The following HK1 variants were observed in gnomAD, a reference collection of about 807,000 sequenced individuals.
HK1 encodes the protein hexokinase-1.
A neutral mutation model predicts 91.6 loss-of-function variants in HK1; 28 were observed. The observed-to-expected ratio is 0.31, with a 90% CI of 0.23 to 0.42. HK1 has a LOEUF of 0.42. Among genes scored for constraint, HK1 ranks in the 10% least tolerant of loss-of-function variants. The pLI, the probability that HK1 is intolerant of heterozygous loss-of-function variation, is 1.00. For synonymous variants in HK1, 430 were observed against 468.1 expected (o/e 0.92, Z 1.05); for missense variants, 770 against 1,219.8 (o/e 0.63, Z 5.49).
intron 2 of HK1, among the ~76,000 whole-genome samples, chr10:69,283,124 CAAAAAAAAAA>C (rs34547808): frequency 6.6e-5 from 4 of 60,820 alleles, no homozygotes; most frequent in African/African-American, 1.3e-4. Flanking sequence ...AACTCAGTTT[CAAAAAAAAAA>C]AAAAAAAAAA....
intron 2 of HK1, 110 bp from the exon 3 acceptor site, chr10:69,359,787 T>C (rs1849320475): frequency 2.0e-6 from 2 of 1,002,108 alleles, no homozygotes; most frequent in South Asian, 1.3e-5. Context: ...GATAACAGCA[T>C]GTGGCAGGGG....
intron 14 of HK1, 60 bp from the exon 15 acceptor site, chr10:69,392,065 C>T: frequency 6.3e-7 from 1 of 1,578,460 alleles, no homozygotes; most frequent in Non-Finnish European, 8.7e-7. Context: ...ACCCCAGGCC[C>T]AGTTGCAAGA....
rs920768220 is a variant in HK1 at position 69,334,874 on chromosome 10, G to C, written c.64-8953G>C. Among the ~76,000 whole-genome samples, 52 of 152,226 alleles carry C rather than the reference G, an allele frequency of 3.4e-4. 1 individual carries two copies. The highest frequency in any genetic ancestry group is 1.0e-4 in the Non-Finnish European group (7 of 68,050). ...TAAGGCCGAGGGGATGCTGAGGAGAGGAGTGGACGGTGTGGGGTGGGGCGG... is the reference window on the plus strand; with the variant it reads ...TAAGGCCGAGGGGATGCTGAGGAGACGAGTGGACGGTGTGGGGTGGGGCGG... On this transcript the variant is annotated intron_variant, in intron 1 of 17. Coordinates refer to ENST00000359426, the MANE Select transcript of HK1 (RefSeq NM_000188.3).
In HK1 at chr10:69,380,081, C is replaced by T. The variant is rs1327364616; in HGVS notation, c.1251C>T (p.Tyr417=). The T allele has an allele frequency of 1.9e-6, 3 of 1,613,572 alleles. No homozygotes were observed. In the African/African-American group the frequency reaches 4.0e-5, roughly 22 times the overall value. Residue 417 remains tyrosine, a synonymous_variant, in exon 9 of 18, where the codon TAC becomes TAT. Transcript: ENST00000359426. This position sits in a 1 kb window ranked among gnomAD's most constrained non-coding sequence, Gnocchi z 4.0. ...RTTVGVDGSL[Y]KTHPQYSRRF... ...CGGTTGGTGTCGACGGATCTCTTTACAAGACGCACCCACAGTGAGTCTGCC... is the reference window on the plus strand; with the variant it reads ...CGGTTGGTGTCGACGGATCTCTTTATAAGACGCACCCACAGTGAGTCTGCC...
At chr10:69,296,858 C>G (rs1286522479) in intron 4 of HK1, among the ~76,000 whole-genome samples, 3 of 152,274 alleles carry the variant, frequency 2.0e-5, no homozygotes, top group Non-Finnish European at 4.4e-5. Flanking sequence ...ACATTGTTTT[C>G]TGTCTGGCAG....
chr10:69,359,254 C>CT (rs1298310151), intron 2 of HK1, among the ~76,000 whole-genome samples: 1 of 151,974 alleles, frequency 6.6e-6, no homozygotes, highest in Non-Finnish European at 1.5e-5. Context: ...GAAATTATTG[C>CT]TTAATGGTTA....
intron 1 of HK1, among the ~76,000 whole-genome samples, chr10:69,341,892 T>A (rs148434128): frequency 1.2e-3 from 188 of 152,140 alleles, no homozygotes; most frequent in Non-Finnish European, 1.9e-3. Flanking sequence ...GCAGAGAGTG[T>A]TGGCAGACAT....
chr10:69,302,019 G>A (rs1019406384), intron 5 of HK1, among the ~76,000 whole-genome samples: 3 of 152,116 alleles, frequency 2.0e-5, no homozygotes, highest in Non-Finnish European at 4.4e-5. Context: ...GCCGAAACAG[G>A]TGGATCACCT....
chr10:69,392,445 C>T, intron 15 of HK1, 137 bp downstream of exon 15: 1 of 874,992 alleles, frequency 1.1e-6, no homozygotes, highest in Non-Finnish European at 1.8e-6. Context: ...CCCTGGCTCA[C>T]TCCTGACCTT....
chr10:69,312,000 G>A (rs1262520553), upstream of HK1, among the ~76,000 whole-genome samples: 1 of 152,164 alleles, frequency 6.6e-6, no homozygotes, highest in Non-Finnish European at 1.5e-5. Flanking sequence ...AGGATGGGAT[G>A]TCTAGAAAGG....
chr10:69,393,319 T>TC (rs1336797145), intron 15 of HK1, among the ~76,000 whole-genome samples: 5 of 151,564 alleles, frequency 3.3e-5, no homozygotes, highest in African/African-American at 1.2e-4. Context: ...TCTTTTTTTT[T>TC]TGAGACAGAG....
At chr10:69,347,627 G>A (rs1848634490) in intron 2 of HK1, among the ~76,000 whole-genome samples, 1 of 151,742 alleles carries the variant, frequency 6.6e-6, no homozygotes, top group South Asian at 2.1e-4. Context: ...GTAGAGACGA[G>A]GTTTCACCAT....
At chr10:69,344,148 GATCC>G (rs533592990) in intron 2 of HK1, among the ~76,000 whole-genome samples, 159 bp downstream of exon 2, 2 of 151,754 alleles carry the variant, frequency 1.3e-5, no homozygotes, top group Non-Finnish European at 2.9e-5. Flanking sequence ...TCCATCTGCT[GATCC>G]ATCCATCCAT....
intron 14 of HK1, among the ~76,000 whole-genome samples, chr10:69,389,861 T>C (rs1839817588): frequency 6.6e-6 from 1 of 152,190 alleles, no homozygotes; most frequent in South Asian, 2.1e-4. Context: ...CTCGTTGCCT[T>C]GTAATCCAAA....
At chr10:69,289,814 T>C (rs1845216452) in intron 3 of HK1, among the ~76,000 whole-genome samples, 2 of 147,260 alleles carry the variant, frequency 1.4e-5, no homozygotes, top group African/African-American at 5.0e-5. Context: ...AGAGACAAGG[T>C]CTTACTATGC....
chr10:69,288,672 C>T (rs1267228745), exon 3 of HK1: 26 of 1,433,612 alleles, frequency 1.8e-5, no homozygotes, highest in Admixed American at 8.4e-5. Context: ...TTTCTCTAGG[C>T]GTTCAAGACC....
rs571297748 is a variant in HK1, at chr10:69,283,798, C to CAA, written c.-215+1112_-215+1113dup. Among the ~76,000 whole-genome samples the CAA allele has an allele frequency of 3.5e-3, 234 of 67,494 alleles. 7 individuals carry two copies. The highest frequency in any genetic ancestry group is 0.017 in the East Asian group (40 of 2,336). 44.3% of individuals were successfully genotyped at this position (67,494 alleles called of 152,430 possible). ...TGGGTGACAGAGTGAGACTCTGTCT[C>CAA]AAAAAAAAAAAAAAAAAAAGAAAAG... is the stretch of plus-strand genomic sequence containing the variant. On this transcript the variant is annotated intron_variant, in intron 2 of 21. Coordinates refer to the HK1 transcript ENST00000360289.
intron 12 of HK1, among the ~76,000 whole-genome samples, chr10:69,385,727 T>C (rs1839602218): frequency 1.3e-5 from 2 of 152,202 alleles, no homozygotes; most frequent in Non-Finnish European, 2.9e-5. Context: ...TTAATCCAGT[T>C]ACATCGCTGA....
chr10:69,289,329 G>T (rs1392377279), intron 3 of HK1, among the ~76,000 whole-genome samples: 2 of 152,050 alleles, frequency 1.3e-5, no homozygotes, highest in African/African-American at 2.4e-5. Flanking sequence ...TTGCTTTTTA[G>T]ACAGTTATGC....
Sources: gnomAD v4.1 joint callset for allele counts (sites outside exome capture counted in the v4.1 genomes callset) on GRCh38, gnomAD v4.1.1 for gene constraint, Gnocchi (gnomAD v3.1) non-coding constraint, MANE v1.5 for transcripts, NCBI Gene and HGNC (gene_info 2026-07-23, HGNC 2026-07-21) for gene names.